Variants in SLC9A1 observed in about 807,000 individuals in gnomAD.
SLC9A1 encodes solute carrier family 9 member A1.
In SLC9A1, 22 loss-of-function variants were observed where a neutral mutation model predicts 67.9. The observed-to-expected ratio is 0.32, with a 90% CI of 0.23 to 0.46. The LOEUF is 0.46. Among genes scored for constraint, SLC9A1 ranks in the 20% least tolerant of loss-of-function variants. SLC9A1 has a pLI of 1.00. For synonymous variants in SLC9A1, 421 were observed against 471.8 expected, an observed-to-expected ratio of 0.89 and a Z score of 1.40; for missense variants, 686 against 1,094.8, an observed-to-expected ratio of 0.63 and a Z score of 5.27.
intron 1 of SLC9A1, among the ~76,000 whole-genome samples, chr1:27,149,543 T>C (rs1469717798): frequency 6.6e-6 from 1 of 151,918 alleles, no homozygotes; most frequent in Non-Finnish European, 1.5e-5. Context: ...GGATAAACAA[T>C]AAGGGAAAAG....
At chr1:27,105,824 T>C (rs970771825) in intron 5 of SLC9A1, 61 bp downstream of exon 5, 2 of 1,409,732 alleles carry the variant, frequency 1.4e-6, no homozygotes, top group African/African-American at 2.8e-5. Context: ...TTCCTCTCTT[T>C]CCACGGGAAC....
chr1:27,148,379 G>T (rs1294306006), intron 1 of SLC9A1, among the ~76,000 whole-genome samples: 1 of 151,972 alleles, frequency 6.6e-6, no homozygotes, highest in Non-Finnish European at 1.5e-5. Context: ...AGCCCTTCCT[G>T]CCTACAGGAG....
chr1:27,102,350 G>A, intron 8 of SLC9A1, 35 bp downstream of exon 8: 1 of 1,560,926 alleles, frequency 6.4e-7, no homozygotes, highest in Non-Finnish European at 8.7e-7. Flanking sequence ...GCCGGTGTGT[G>A]GGAGCAGAAG....
chr1:27,121,001 G>A (rs545009996), intron 1 of SLC9A1, among the ~76,000 whole-genome samples: 1 of 152,130 alleles, frequency 6.6e-6, no homozygotes, highest in Admixed American at 6.5e-5. Flanking sequence ...AAAGAAAACA[G>A]CTTGTCAGGA....
chr1:27,150,910 T>C (rs1443432844), intron 1 of SLC9A1, among the ~76,000 whole-genome samples: 3 of 152,138 alleles, frequency 2.0e-5, no homozygotes, highest in Non-Finnish European at 4.4e-5. Flanking sequence ...GATGACAGAA[T>C]GAGGGCTCCA....
rs114422649 is a variant in SLC9A1, at chr1:27,132,753, G to A, written c.353-18467C>T. Among the ~76,000 whole-genome samples the A allele has an allele frequency of 7.7e-3, 1,177 of 152,296 alleles. 14 individuals carry two copies. Among genetic ancestry groups the A allele is most frequent in the African/African-American group, 0.026 (1,091 of 41,548 alleles). ...CATCCTGAAAGCAGATACCAGGGCT[G>A]GCAGTCCCTCCCCAACTCCCACCCT... On this transcript the variant is annotated intron_variant, in intron 1 of 11. Coordinates refer to ENST00000263980, the MANE Select transcript of SLC9A1 (RefSeq NM_003047.5).
Position 27,100,658 on chromosome 1 carries a change from G to A in SLC9A1, c.2111-14C>T, listed in dbSNP as rs1368715497. The A allele has an allele frequency of 2.5e-6, 4 of 1,587,742 alleles. No homozygotes were observed. The highest frequency in any genetic ancestry group is 3.4e-6 in the Non-Finnish European group (4 of 1,165,928). On this transcript the variant is annotated splice_polypyrimidine_tract_variant and intron_variant, in intron 11 of 11. Coordinates refer to ENST00000263980, the MANE Select transcript of SLC9A1 (RefSeq NM_003047.5). This position sits in a 1 kb window ranked among gnomAD's most constrained non-coding sequence, Gnocchi z 5.6. ...AGGCCAGTGGGTCTGGGGACCAAGAGCAAGGCACAAGCTGGGTTCCGCTCT... is the reference window on the plus strand; with the variant it reads ...AGGCCAGTGGGTCTGGGGACCAAGAACAAGGCACAAGCTGGGTTCCGCTCT...
intron 1 of SLC9A1, among the ~76,000 whole-genome samples, chr1:27,135,870 C>T (rs189794159): frequency 1.3e-3 from 195 of 152,324 alleles, no homozygotes; most frequent in Non-Finnish European, 2.5e-3. Context: ...ACCTATGATT[C>T]CATTCAGATG....
chr1:27,117,471 G>A (rs2083279364), intron 1 of SLC9A1, among the ~76,000 whole-genome samples: 1 of 152,168 alleles, frequency 6.6e-6, no homozygotes, highest in Admixed American at 6.5e-5. Flanking sequence ...CCCTCACTCT[G>A]TGCCATCAAC....
In SLC9A1 at chr1:27,107,641, C is replaced by T. The variant is rs773157544; in HGVS notation, c.1282+7G>A. The T allele has an allele frequency of 5.8e-6, 9 of 1,541,292 alleles. No homozygotes were observed. The South Asian group carries it at 8.3e-5, about 14-fold the overall frequency. ...AACCCCCACCCCGCCCCAGCCCTGG[C>T]CCTCACCCAGCACGCGGGCGATGAG... On this transcript the variant is annotated splice_region_variant and intron_variant, in intron 4 of 11. Coordinates refer to ENST00000263980, the MANE Select transcript of SLC9A1 (RefSeq NM_003047.5).
At position 27,101,227 on chromosome 1, in the gene SLC9A1, T is replaced by C. The variant is rs201372679; in HGVS notation, c.2086A>G (p.Met696Val). The C allele has an allele frequency of 8.7e-4, 1,404 of 1,611,850 alleles. 21 individuals are homozygous for C. In the South Asian group the frequency reaches 0.014, roughly 17 times the overall value. ...CCTGAGCCGATGCGGGCCCGAGACATGGTGGGTGAGTCCAGCTTGTGGGCT... is the reference window on the plus strand; with the variant it reads ...CCTGAGCCGATGCGGGCCCGAGACACGGTGGGTGAGTCCAGCTTGTGGGCT... Reference protein sequence around the residue: ...VPAHKLDSPTMSRARIGSDPL... With the variant: ...VPAHKLDSPTVSRARIGSDPL... Residue 696 changes from methionine to valine, a missense_variant, in exon 11 of 12, where the codon ATG becomes GTG. Met to Val is a conservative substitution (Grantham distance 21). Around this residue, in one of 7 missense-constraint regions of SLC9A1, gnomAD observed 226 missense variants for 282.4 expected, o/e 0.80. Transcript: ENST00000263980. This position sits in a 1 kb window ranked among gnomAD's most constrained non-coding sequence, Gnocchi z 4.9.
intron 1 of SLC9A1, among the ~76,000 whole-genome samples, chr1:27,131,975 TATAA>T (rs1299136185): frequency 6.8e-5 from 9 of 132,910 alleles, no homozygotes; most frequent in South Asian, 2.4e-4. Flanking sequence ...TATATATATA[TATAA>T]AATTATGGCT....
rs1026093044 is a variant in SLC9A1 at position 27,114,734 on chromosome 1, A to G, written c.353-448T>C. Among the ~76,000 whole-genome samples the G allele has an allele frequency of 3.3e-5, 5 of 152,202 alleles. No individual in the cohort carries two copies. The highest frequency in any genetic ancestry group is 6.5e-5 in the Admixed American group (1 of 15,284). On this transcript the variant is annotated intron_variant, in intron 1 of 11. Transcript: ENST00000263980. The surrounding 1 kb of genome is among the most constrained non-coding windows in gnomAD (Gnocchi z 5.4). ...TCAACCTGAGGAATAACAATCTAAC[A>G]ATTCTGTCTGAGGGAAGATGGTAGT...
chr1:27,112,769 A>C (rs992582044), intron 2 of SLC9A1, among the ~76,000 whole-genome samples: 3 of 151,806 alleles, frequency 2.0e-5, no homozygotes, highest in Non-Finnish European at 1.5e-5. Flanking sequence ...CTGTAATCCC[A>C]GCTACTTGGG....
rs1036630899 is a variant in SLC9A1, at chr1:27,137,497, T to C, written c.352+16486A>G. Reference sequence around the variant, plus strand: ...CATTTAACCTCCACACCTTTGCACATGGGGACCACAAAGTTGCAAGTGGGG... The same window carrying C: ...CATTTAACCTCCACACCTTTGCACACGGGGACCACAAAGTTGCAAGTGGGG... On this transcript the variant is annotated intron_variant, in intron 1 of 11. Coordinates refer to ENST00000263980, the MANE Select transcript of SLC9A1 (RefSeq NM_003047.5). This position sits in a 1 kb window ranked among gnomAD's most constrained non-coding sequence, Gnocchi z 4.6. Among the ~76,000 whole-genome samples the C allele has an allele frequency of 3.3e-5, 5 of 152,172 alleles. No homozygotes were observed. Among genetic ancestry groups the C allele is most frequent in the Admixed American group, 6.5e-5 (1 of 15,276 alleles).
At position 27,113,316 on chromosome 1, in the gene SLC9A1, C is replaced by T. The variant is rs1161444966; in HGVS notation, c.813+510G>A. 1.3e-4 allele frequency among the ~76,000 whole-genome samples: 19 copies of T among 151,932 alleles called. 1 individual carries two copies. Among genetic ancestry groups the T allele is most frequent in the Admixed American group, 1.1e-3 (17 of 15,234 alleles). On this transcript the variant is annotated intron_variant, in intron 2 of 11. Transcript: ENST00000263980. ...TCCACAAAAAATTTAAAAAATTAGC[C>T]GGGTGTGGTGGTGCATGCCTGTAGT...
rs370022184 is a variant in SLC9A1, at chr1:27,114,496, C to T, written c.353-210G>A. On this transcript the variant is annotated intron_variant, in intron 1 of 11. Coordinates refer to ENST00000263980, the MANE Select transcript of SLC9A1 (RefSeq NM_003047.5). This position sits in a 1 kb window ranked among gnomAD's most constrained non-coding sequence, Gnocchi z 5.4. The stretch of plus-strand genomic sequence containing the variant: ...AGCTTCACAGGTTTGCCATCATAAA[C>T]CAAGTGACAGTGTTTTTAAAGCACT... Among the ~76,000 whole-genome samples, 10 of 152,306 alleles carry T rather than the reference C, an allele frequency of 6.6e-5. No individual in the cohort carries two copies. The South Asian group carries it at 2.1e-3, about 32-fold the overall frequency.
intron 8 of SLC9A1, 114 bp from the exon 9 acceptor site, chr1:27,102,244 A>G: frequency 7.5e-7 from 1 of 1,327,482 alleles, no homozygotes; most frequent in Non-Finnish European, 1.1e-6. Flanking sequence ...CCAAAGCCTC[A>G]GGTCCTTGGT....
chr1:27,141,748 C>A (rs1466494830), intron 1 of SLC9A1, among the ~76,000 whole-genome samples: 3 of 152,208 alleles, frequency 2.0e-5, no homozygotes, highest in South Asian at 2.1e-4. Context: ...CTCCCCTCCC[C>A]CATCTTGCTG....
Sources: allele counts gnomAD v4.1 joint callset (sites outside exome capture counted in the v4.1 genomes callset), GRCh38; gene constraint gnomAD v4.1.1; regional missense constraint gnomAD v4.1.1; non-coding constraint Gnocchi (gnomAD v3.1); transcripts MANE v1.5; gene names NCBI Gene and HGNC (gene_info 2026-07-23, HGNC 2026-07-21).